Variants in ABHD12 observed in about 807,000 individuals in gnomAD.
ABHD12 encodes lysophosphatidylserine lipase ABHD12.
ABHD12 carries 43 observed loss-of-function variants against 58.3 expected under a neutral mutation model. That is an observed-to-expected ratio of 0.74 (90% CI 0.58 to 0.95). The LOEUF is 0.95. Among genes scored for constraint, ABHD12 ranks in the 40% least tolerant of loss-of-function variants. The probability of loss-of-function intolerance (pLI) is 0.00; values close to 1 mark genes in which losing one functional copy is unlikely to be tolerated. For synonymous variants in ABHD12, 219 were observed against 211.2 expected, an observed-to-expected ratio of 1.04 and a Z score of -0.32; for missense variants, 539 against 537.2, an observed-to-expected ratio of 1.00 and a Z score of -0.03.
chr20:25,299,899 A>T (rs1485788824), downstream of ABHD12, among the ~76,000 whole-genome samples: 1 of 152,144 alleles, frequency 6.6e-6, no homozygotes, highest in African/African-American at 2.4e-5. Context: ...CCTGCGTAGG[A>T]AAAGTGTTTT....
chr20:25,309,335 A>C lies in ABHD12; in HGVS notation c.749+111T>G, dbSNP rs2088806353. On this transcript the variant is annotated intron_variant, in intron 7 of 12. Coordinates refer to ENST00000339157, the MANE Select transcript of ABHD12 (RefSeq NM_001042472.3). ...GGGGATGGGAGCGAGGCTGGTCGGG[A>C]CTAATGGTGCCACAGGGTTTGCAGG... 5 of 1,527,860 alleles carry C rather than the reference A, an allele frequency of 3.3e-6. No homozygotes were observed. In the African/African-American group the frequency reaches 6.8e-5, roughly 21 times the overall value. The allele number at this position is 1,527,860 out of a possible 1,614,324, so 94.6% of individuals were successfully genotyped here.
At chr20:25,330,542 C>T (rs1030053345) in intron 2 of ABHD12, among the ~76,000 whole-genome samples, 1 of 152,254 alleles carries the variant, frequency 6.6e-6, no homozygotes, top group Non-Finnish European at 1.5e-5. Flanking sequence ...CAGCAGTAAC[C>T]TCTGCAGACT....
At chr20:25,298,833 C>G (rs2088590804), downstream of ABHD12, among the ~76,000 whole-genome samples, 1 of 152,204 alleles carries the variant, frequency 6.6e-6, no homozygotes. Flanking sequence ...CCTCCTTGGC[C>G]TCAGACCTGG....
chr20:25,303,461 T>A (rs768114336), intron 11 of ABHD12, 89 bp downstream of exon 11: 28 of 1,566,826 alleles, frequency 1.8e-5, no homozygotes, highest in Non-Finnish European at 2.2e-5. Context: ...AGGGGCTGCC[T>A]TCCCGCCTGC....
chr20:25,308,116 G>T, intron 8 of ABHD12, 71 bp from the exon 9 acceptor site: 1 of 1,105,672 alleles, frequency 9.0e-7, no homozygotes, highest in Non-Finnish European at 1.4e-6. Flanking sequence ...GTGGGGCTCT[G>T]AGGGGCCCCC....
chr20:25,342,258 T>C (rs2089464817), intron 1 of ABHD12, among the ~76,000 whole-genome samples: 1 of 152,174 alleles, frequency 6.6e-6, no homozygotes, highest in African/African-American at 2.4e-5. Flanking sequence ...AATAAACTAT[T>C]GATACATGCA....
At chr20:25,333,956 G>A (rs1003724714) in intron 2 of ABHD12, among the ~76,000 whole-genome samples, 85 of 152,256 alleles carry the variant, frequency 5.6e-4, no homozygotes, top group Non-Finnish European at 9.1e-4. Flanking sequence ...AGTGCTGGCC[G>A]GGGCAATTAG....
At chr20:25,385,913 A>G (rs2090083699) in intron 1 of ABHD12, among the ~76,000 whole-genome samples, 1 of 151,876 alleles carries the variant, frequency 6.6e-6, no homozygotes, top group Admixed American at 6.6e-5. Flanking sequence ...CCTGGCTAAC[A>G]CGGTGAAACC....
At chr20:25,378,686 G>A (rs766042462) in intron 1 of ABHD12, among the ~76,000 whole-genome samples, 24 of 141,738 alleles carry the variant, frequency 1.7e-4, no homozygotes, top group Admixed American at 4.5e-4. Context: ...AAGAACTGAA[G>A]ATAATTTGAA....
At chr20:25,312,672 G>C (rs1200809234) in intron 6 of ABHD12, among the ~76,000 whole-genome samples, 6 of 151,198 alleles carry the variant, frequency 4.0e-5, no homozygotes, top group Admixed American at 2.6e-4. Flanking sequence ...CCTCTGCCTG[G>C]CTGCCCAGTC....
chr20:25,385,331 CAAAAAAAA>C (rs11477490), intron 1 of ABHD12, among the ~76,000 whole-genome samples: 7 of 51,726 alleles, frequency 1.4e-4, no homozygotes, highest in South Asian at 9.4e-4. Context: ...GAGTGAGACT[CAAAAAAAA>C]AAAAAAAAAA....
chr20:25,346,352 C>A (rs2146050807), intron 1 of ABHD12, among the ~76,000 whole-genome samples: 1 of 152,250 alleles, frequency 6.6e-6, no homozygotes, highest in Non-Finnish European at 1.5e-5. Flanking sequence ...ACACAGATTT[C>A]TAGGGCAGTG....
intron 1 of ABHD12, among the ~76,000 whole-genome samples, chr20:25,362,873 A>G (rs953964594): frequency 1.3e-5 from 2 of 151,832 alleles, no homozygotes; most frequent in African/African-American, 2.4e-5. Flanking sequence ...AGGTTTCTCC[A>G]TGTTGGTCAG....
intron 6 of ABHD12, among the ~76,000 whole-genome samples, chr20:25,309,957 A>G (rs1478323613): frequency 6.6e-6 from 1 of 152,258 alleles, no homozygotes; most frequent in Non-Finnish European, 1.5e-5. Context: ...TCCTCAGGCC[A>G]GGGCTGGGAC....
intron 5 of ABHD12, among the ~76,000 whole-genome samples, chr20:25,316,676 C>T (rs761425654): frequency 6.6e-6 from 1 of 152,202 alleles, no homozygotes; most frequent in Non-Finnish European, 1.5e-5. Context: ...AAGCTCAACA[C>T]GCCTGTCATC....
At chr20:25,366,940 G>A (rs2089830288) in intron 1 of ABHD12, among the ~76,000 whole-genome samples, 4 of 152,118 alleles carry the variant, frequency 2.6e-5, no homozygotes, top group Admixed American at 2.6e-4. Flanking sequence ...AGAGGCTCAT[G>A]GCACTTCTGT....
intron 1 of ABHD12, 117 bp from the exon 2 acceptor site, chr20:25,339,468 G>A: frequency 6.7e-7 from 1 of 1,500,044 alleles, no homozygotes; most frequent in Non-Finnish European, 9.2e-7. Context: ...TTTTCCACAA[G>A]GATACTGCCA....
At chr20:25,381,821 C>T (rs141851794) in intron 1 of ABHD12, among the ~76,000 whole-genome samples, 5 of 152,194 alleles carry the variant, frequency 3.3e-5, no homozygotes, top group African/African-American at 1.2e-4. Context: ...CCTCACCTGG[C>T]TAATTTTTGT....
At chr20:25,355,619 C>A (rs1243798940) in intron 1 of ABHD12, among the ~76,000 whole-genome samples, 1 of 152,082 alleles carries the variant, frequency 6.6e-6, no homozygotes, top group Non-Finnish European at 1.5e-5. Flanking sequence ...AGTGCAGTGG[C>A]ACGATCCCAG....
Sources: allele counts gnomAD v4.1 joint callset (sites outside exome capture counted in the v4.1 genomes callset), GRCh38; gene constraint gnomAD v4.1.1; transcripts MANE v1.5; gene names NCBI Gene and HGNC (gene_info 2026-07-23, HGNC 2026-07-21).